The following ZSWIM5 variants were observed in gnomAD, a reference collection of about 807,000 sequenced individuals.
The protein encoded by ZSWIM5 is zinc finger SWIM-type containing 5, also known as zinc finger SWIM domain-containing protein 5.
A neutral mutation model predicts 119.6 loss-of-function variants in ZSWIM5; 55 were observed. The observed-to-expected ratio is 0.46, with a 90% CI of 0.37 to 0.58. ZSWIM5 has a LOEUF of 0.58. Ranked by LOEUF, ZSWIM5 falls within the 20% of genes least tolerant of loss-of-function variation. ZSWIM5 has a pLI of 0.00. For missense variants in ZSWIM5, 1,193 were observed against 1,512.8 expected, an observed-to-expected ratio of 0.79 and a Z score of 3.51; for synonymous variants, 537 against 606.9, an observed-to-expected ratio of 0.88 and a Z score of 1.69.
intron 1 of ZSWIM5, among the ~76,000 whole-genome samples, chr1:45,117,444 G>C (rs549194530): frequency 5.3e-5 from 8 of 152,212 alleles, no homozygotes; most frequent in African/African-American, 1.9e-4. Context: ...GGAGGCCAAA[G>C]TGGGAGGACT....
chr1:45,126,747 GAA>G (rs147893050), intron 1 of ZSWIM5, among the ~76,000 whole-genome samples: 1 of 147,124 alleles, frequency 6.8e-6, no homozygotes, highest in Non-Finnish European at 1.5e-5. Flanking sequence ...CCACAAAAAG[GAA>G]AAAAAAAATG....
Position 45,018,492 on chromosome 1 carries a change from T to C in ZSWIM5, c.3520A>G (p.Lys1174Glu). 6.2e-7 allele frequency: 1 copy of C among 1,614,188 alleles called. No individual in the cohort carries two copies. Among genetic ancestry groups the C allele is most frequent in the Non-Finnish European group, 8.5e-7 (1 of 1,180,012 alleles). ...DNLKQIYKGKKKLMLLVRERF... is the reference protein window; with the variant it reads ...DNLKQIYKGKEKLMLLVRERF... ...TCTCGCACCAGCAGCATCAACTTTT[T>C]CTTGCCTTTGTAGATCTGTTTGAGG... Residue 1174 changes from lysine to glutamate, a missense_variant, in exon 14 of 14, where the codon AAA becomes GAA. Lys to Glu is a moderately conservative substitution (Grantham distance 56). Transcript: ENST00000359600. The surrounding 1 kb of genome is among the most constrained non-coding windows in gnomAD (Gnocchi z 6.7).
chr1:45,197,115 C>T (rs1457084182), intron 1 of ZSWIM5, among the ~76,000 whole-genome samples: 1 of 152,230 alleles, frequency 6.6e-6, no homozygotes, highest in Admixed American at 6.5e-5. Flanking sequence ...GAAAGTTTGA[C>T]TCCTTTATTT....
chr1:45,105,878 GTGAGGAGCA>G (rs1645471283), intron 1 of ZSWIM5, among the ~76,000 whole-genome samples: 1 of 147,806 alleles, frequency 6.8e-6, no homozygotes, highest in South Asian at 2.2e-4. Flanking sequence ...CATCTGAGAA[GTGAGGAGCA>G]CCTCTGCCCG....
At chr1:45,200,897 A>C (rs1026348190) in intron 1 of ZSWIM5, among the ~76,000 whole-genome samples, 1 of 152,174 alleles carries the variant, frequency 6.6e-6, no homozygotes, top group Non-Finnish European at 1.5e-5. Flanking sequence ...GTCACCCCCC[A>C]AAAAATATGC....
At position 45,018,746 on chromosome 1, in the gene ZSWIM5, G is replaced by C. The variant is rs1020759863; in HGVS notation, c.3266C>G (p.Ala1089Gly). The C allele has an allele frequency of 8.1e-6, 13 of 1,614,228 alleles. No individual in the cohort carries two copies. The highest frequency in any genetic ancestry group is 1.1e-5 in the Non-Finnish European group (13 of 1,180,036). Residue 1089 changes from alanine to glycine, a missense_variant, in exon 14 of 14, where the codon GCC (alanine) becomes GGC (glycine). By Grantham distance (60) the Ala-to-Gly change is moderately conservative. This residue lies in a region of ZSWIM5 where 961 missense variants were observed against 1,290.0 expected (regional missense o/e 0.74). Transcript: ENST00000359600. The surrounding 1 kb of genome is among the most constrained non-coding windows in gnomAD (Gnocchi z 6.7). ...AGAGCTTCGGCGGCCTGGGATGCCG[G>C]CCAGGCCAGGTGCAGTCACTGTGCA... ...RRCTVTAPGL[A>G]GIPGRRSSGK...
intron 1 of ZSWIM5, among the ~76,000 whole-genome samples, chr1:45,128,454 C>A (rs1645635088): frequency 6.6e-6 from 1 of 152,146 alleles, no homozygotes; most frequent in African/African-American, 2.4e-5. Context: ...CCGCTTTGGC[C>A]TCCCAAAGTG....
chr1:45,182,579 AAAAG>A (rs927501838), intron 1 of ZSWIM5, among the ~76,000 whole-genome samples: 18 of 152,304 alleles, frequency 1.2e-4, no homozygotes, highest in Admixed American at 7.2e-4. Context: ...GGAAAACAAA[AAAAG>A]GCAGGGGTTG....
intron 1 of ZSWIM5, among the ~76,000 whole-genome samples, chr1:45,089,941 C>T (rs1177512668): frequency 6.6e-6 from 1 of 152,148 alleles, no homozygotes; most frequent in Admixed American, 6.5e-5. Context: ...GCTAATTTCA[C>T]AGACTTTCCT....
intron 7 of ZSWIM5, among the ~76,000 whole-genome samples, chr1:45,039,603 TTGAACTCCTGGCCTCAAG>T (rs1247824013): frequency 5.9e-5 from 9 of 152,228 alleles, no homozygotes; most frequent in Admixed American, 3.3e-4. Context: ...CAGGCTGGTC[TTGAACTCCTGGCCTCAAG>T]TGATCCACCC....
At chr1:45,193,413 C>T (rs1389606806) in intron 1 of ZSWIM5, among the ~76,000 whole-genome samples, 4 of 152,044 alleles carry the variant, frequency 2.6e-5, no homozygotes, top group Non-Finnish European at 5.9e-5. Context: ...GAAGGCGCAT[C>T]CTACTATTGT....
At chr1:45,150,319 G>A (rs541418640) in intron 1 of ZSWIM5, among the ~76,000 whole-genome samples, 11 of 152,108 alleles carry the variant, frequency 7.2e-5, no homozygotes, top group African/African-American at 2.4e-4. Flanking sequence ...TAGGATGGCT[G>A]TAATAAAAAC....
chr1:45,152,139 A>G (rs1482132963), intron 1 of ZSWIM5, among the ~76,000 whole-genome samples: 1 of 152,232 alleles, frequency 6.6e-6, no homozygotes, highest in African/African-American at 2.4e-5. Flanking sequence ...GACCAGTGAG[A>G]GGCAAGCAGG....
intron 4 of ZSWIM5, among the ~76,000 whole-genome samples, chr1:45,053,015 T>C (rs1645098681): frequency 1.3e-5 from 2 of 150,574 alleles, no homozygotes; most frequent in Non-Finnish European, 3.0e-5. Context: ...CCCAGCTACT[T>C]GGGAGGCTGT....
intron 1 of ZSWIM5, among the ~76,000 whole-genome samples, chr1:45,118,521 G>A (rs1301743057): frequency 6.6e-6 from 1 of 152,090 alleles, no homozygotes; most frequent in East Asian, 1.9e-4. Context: ...GCAGGCAGAG[G>A]TGTGAGTCCA....
chr1:45,170,182 A>G (rs891103673), intron 1 of ZSWIM5, among the ~76,000 whole-genome samples: 3 of 152,018 alleles, frequency 2.0e-5, no homozygotes, highest in Non-Finnish European at 4.4e-5. Flanking sequence ...TTTTTCTCTG[A>G]ATTTTTATAT....
chr1:45,054,707 C>A (rs991200534), intron 4 of ZSWIM5, among the ~76,000 whole-genome samples: 1 of 152,196 alleles, frequency 6.6e-6, no homozygotes, highest in South Asian at 2.1e-4. Context: ...TCACTGATTT[C>A]TTTTCATCAG....
At chr1:45,128,198 G>C (rs902057541) in intron 1 of ZSWIM5, among the ~76,000 whole-genome samples, 1 of 151,840 alleles carries the variant, frequency 6.6e-6, no homozygotes, top group Non-Finnish European at 1.5e-5. Context: ...AAGGTAGAAA[G>C]AAACAGTCTA....
chr1:45,117,437 G>A (rs955589886), intron 1 of ZSWIM5, among the ~76,000 whole-genome samples: 3 of 152,220 alleles, frequency 2.0e-5, no homozygotes, highest in African/African-American at 7.2e-5. Flanking sequence ...AACGTTGGGA[G>A]GCCAAAGTGG....
Sources: gnomAD v4.1 joint callset for allele counts (sites outside exome capture counted in the v4.1 genomes callset) on GRCh38, gnomAD v4.1.1 for gene constraint, gnomAD v4.1.1 regional missense constraint, Gnocchi (gnomAD v3.1) non-coding constraint, MANE v1.5 for transcripts, NCBI Gene and HGNC (gene_info 2026-07-23, HGNC 2026-07-21) for gene names.